The following CNOT7 variants were observed in gnomAD, a reference collection of about 807,000 sequenced individuals.
CNOT7 encodes BTG1-binding factor 1.
CNOT7 carries 4 observed loss-of-function variants against 37.1 expected under a neutral mutation model. That is an observed-to-expected ratio of 0.11 (90% confidence interval 0.05 to 0.25). CNOT7 has a LOEUF of 0.25. Among genes scored for constraint, CNOT7 ranks in the 10% least tolerant of loss-of-function variants. CNOT7 has a pLI of 1.00. For missense variants in CNOT7, 170 were observed against 336.2 expected (o/e 0.51, Z 3.87); for synonymous variants, 128 against 115.6 (o/e 1.11, Z -0.69).
intron 5 of CNOT7, among the ~76,000 whole-genome samples, chr8:17,233,337 A>G (rs1030060936): frequency 2.6e-5 from 4 of 152,238 alleles, no homozygotes; most frequent in Non-Finnish European, 5.9e-5. Flanking sequence ...GGCTTTGCAC[A>G]GCAGTTGCTT....
intron 6 of CNOT7, among the ~76,000 whole-genome samples, chr8:17,231,179 T>C (rs1393606837): frequency 6.6e-6 from 1 of 152,038 alleles, no homozygotes; most frequent in Admixed American, 6.6e-5. Context: ...AAGCCAATGA[T>C]GGTGGGGGAA....
rs1332000898 is a variant in CNOT7 at position 17,229,068 on chromosome 8, A to C, written c.*1652T>G. 2.6e-5 allele frequency: 4 copies of C among 151,974 alleles called. No homozygotes were observed. The highest frequency in any genetic ancestry group is 9.7e-5 in the African/African-American group (4 of 41,434). 9.4% of individuals were successfully genotyped at this position (151,974 alleles called of 1,614,324 possible). A position where few individuals can be genotyped will look rare whatever the true frequency, so the allele number is the denominator to read the frequency against. Reference sequence around the variant, plus strand: ...TCATAAAGAACAAGAATAAGCCAACACTTGAAATGCAGAAAACTCAGACTG... The same window carrying C: ...TCATAAAGAACAAGAATAAGCCAACCCTTGAAATGCAGAAAACTCAGACTG... On this transcript the variant is annotated 3_prime_UTR_variant, in exon 7 of 7. Transcript: ENST00000361272.
intron 2 of CNOT7, chr8:17,243,441 C>T (rs1246533820): frequency 1.6e-6 from 1 of 606,302 alleles, no homozygotes; most frequent in African/African-American, 1.8e-5. Flanking sequence ...CAAATACTTA[C>T]TCTATAACCA....
Position 17,232,263 on chromosome 8 carries a change from G to A in CNOT7, c.729+164C>T. Reference sequence around the variant, plus strand: ...TTCCTTCTGAACTACATTTCAAGATGACTTATTTTTGAATACTTTTAAGTG... The same window carrying A: ...TTCCTTCTGAACTACATTTCAAGATAACTTATTTTTGAATACTTTTAAGTG... On this transcript the variant is annotated intron_variant, in intron 6 of 6. Transcript: ENST00000361272. 2.1e-6 allele frequency: 3 copies of A among 1,462,692 alleles called. No homozygotes were observed. In the South Asian group the frequency reaches 4.2e-5, roughly 21 times the overall value. The allele number at this position is 1,462,692 out of a possible 1,614,324, so 90.6% of individuals were successfully genotyped here.
chr8:17,229,648 A>G lies in CNOT7; in HGVS notation c.*1072T>C. 2 of 151,482 alleles carry G rather than the reference A, an allele frequency of 1.3e-5. No homozygotes were observed. The highest frequency in any genetic ancestry group is 7.0e-3 in the Middle Eastern group (2 of 286). 9.4% of individuals were successfully genotyped at this position (151,482 alleles called of 1,614,324 possible). On this transcript the variant is annotated 3_prime_UTR_variant, in exon 7 of 7. Coordinates refer to ENST00000361272, the MANE Select transcript of CNOT7 (RefSeq NM_013354.7). Reference sequence around the variant, plus strand: ...ATCAGCTATATATATATATATGAGAATATATATATATTTTGTTGTTTTGTA... The same window carrying G: ...ATCAGCTATATATATATATATGAGAGTATATATATATTTTGTTGTTTTGTA...
At chr8:17,239,658 A>C (rs1809873419) in intron 3 of CNOT7, among the ~76,000 whole-genome samples, 1 of 151,632 alleles carries the variant, frequency 6.6e-6, no homozygotes. Context: ...CACCCAGCTA[A>C]TTTTTTTTGT....
chr8:17,228,439 TGAG>T lies in CNOT7; in HGVS notation c.*2278_*2280del, dbSNP rs947966541. 6.6e-6 allele frequency: 1 copy of T among 151,920 alleles called. No individual in the cohort carries two copies. Among genetic ancestry groups the T allele is most frequent in the African/African-American group, 2.4e-5 (1 of 41,404 alleles). The allele number at this position is 151,920 out of a possible 1,614,324, so 9.4% of individuals were successfully genotyped here. The stretch of plus-strand genomic sequence containing the variant: ...CACTATACGGTTGCTCAACCTACAA[TGAG>T]GTTACATCTGAAAAAATACTAAGAT... On this transcript the variant is annotated 3_prime_UTR_variant, in exon 7 of 7. Coordinates refer to ENST00000361272, the MANE Select transcript of CNOT7 (RefSeq NM_013354.7).
intron 3 of CNOT7, chr8:17,242,234 A>G (rs899312836): frequency 6.6e-6 from 1 of 152,188 alleles, no homozygotes; most frequent in Non-Finnish European, 1.5e-5. Flanking sequence ...TTACCATGAA[A>G]CAATGTTGAA....
At position 17,230,666 on chromosome 8, in the gene CNOT7, C is replaced by A; in HGVS notation, c.*54G>T. ...TCGAGGGATTCAACCAGAGATAAAA[C>A]CTATATACAAGCATGTGTGTAGCTC... is the stretch of plus-strand genomic sequence containing the variant. On this transcript the variant is annotated 3_prime_UTR_variant, in exon 7 of 7. Transcript: ENST00000361272. 3 of 1,495,270 alleles carry A rather than the reference C, an allele frequency of 2.0e-6. No individual in the cohort carries two copies. Among genetic ancestry groups the A allele is most frequent in the Non-Finnish European group, 1.8e-6 (2 of 1,111,112 alleles). The allele number at this position is 1,495,270 out of a possible 1,614,324, so 92.6% of individuals were successfully genotyped here.
intron 4 of CNOT7, among the ~76,000 whole-genome samples, chr8:17,236,160 C>G (rs556374030): frequency 6.6e-6 from 1 of 152,306 alleles, no homozygotes; most frequent in South Asian, 2.1e-4. Context: ...ACAACTCAAC[C>G]ATTTCTGGTT....
At position 17,229,709 on chromosome 8, in the gene CNOT7, T is replaced by C. The variant is rs1808394638; in HGVS notation, c.*1011A>G. On this transcript the variant is annotated 3_prime_UTR_variant, in exon 7 of 7. Transcript: ENST00000361272. ...CCATTATTTACCTTTGTAGCAACTATGAAAGCACAATTTTTGTCTTCTAAT... is the reference window on the plus strand; with the variant it reads ...CCATTATTTACCTTTGTAGCAACTACGAAAGCACAATTTTTGTCTTCTAAT... The C allele has an allele frequency of 6.6e-6, 1 of 152,046 alleles. No homozygotes were observed. Among genetic ancestry groups the C allele is most frequent in the South Asian group, 2.1e-4 (1 of 4,828 alleles). 9.4% of individuals were successfully genotyped at this position (152,046 alleles called of 1,614,324 possible).
At chr8:17,231,444 A>C in intron 6 of CNOT7, 5 of 769,812 alleles carry the variant, frequency 6.5e-6, no homozygotes, top group African/African-American at 1.9e-5. Flanking sequence ...AACAATTGGA[A>C]GGAGTCCAAA....
rs1206281595 is a variant in CNOT7 at position 17,226,227 on chromosome 8, A to C, written c.*4493T>G. 1 of 151,024 alleles carries C rather than the reference A, an allele frequency of 6.6e-6. No individual in the cohort carries two copies. The highest frequency in any genetic ancestry group is 1.5e-5 in the Non-Finnish European group (1 of 67,454). The allele number at this position is 151,024 out of a possible 1,614,324, so 9.4% of individuals were successfully genotyped here. On this transcript the variant is annotated 3_prime_UTR_variant, in exon 7 of 7. Coordinates refer to ENST00000361272, the MANE Select transcript of CNOT7 (RefSeq NM_013354.7). ...TTAGTAATAGAGTTCTACTAATGGG[A>C]ATAATGGGATTTTTTGGCAGGGGAC...
rs1335429223 is a variant in CNOT7, at chr8:17,246,736, G to A, written c.-157C>T. ...CGCCATAGAGACAGCACTCGGCGGC[G>A]GTGGCGGTGGCGGTGGCGGTAGCGG... is the stretch of plus-strand genomic sequence containing the variant. On this transcript the variant is annotated 5_prime_UTR_variant, in exon 1 of 7. Coordinates refer to ENST00000361272, the MANE Select transcript of CNOT7 (RefSeq NM_013354.7). 1 of 186,940 alleles carries A rather than the reference G, an allele frequency of 5.3e-6. No individual in the cohort carries two copies. Among genetic ancestry groups the A allele is most frequent in the Non-Finnish European group, 1.1e-5 (1 of 89,964 alleles). The allele number at this position is 186,940 out of a possible 1,614,324, so 11.6% of individuals were successfully genotyped here.
At chr8:17,239,080 G>T (rs888795659) in intron 3 of CNOT7, among the ~76,000 whole-genome samples, 1 of 152,182 alleles carries the variant, frequency 6.6e-6, no homozygotes, top group African/African-American at 2.4e-5. Flanking sequence ...CCCTTCTTGA[G>T]ACAGGGTCTG....
At position 17,227,175 on chromosome 8, in the gene CNOT7, C is replaced by G. The variant is rs977692178; in HGVS notation, c.*3545G>C. On this transcript the variant is annotated 3_prime_UTR_variant, in exon 7 of 7. Transcript: ENST00000361272. ...TTAAACAACTTACGTTTTCACAAGC[C>G]TTAAAATTTGACCAAATAAACTTTT... 2.6e-5 allele frequency: 4 copies of G among 151,870 alleles called. No homozygotes were observed. The highest frequency in any genetic ancestry group is 9.7e-5 in the African/African-American group (4 of 41,400). The allele number at this position is 151,870 out of a possible 1,614,324, so 9.4% of individuals were successfully genotyped here. A position where few individuals can be genotyped will look rare whatever the true frequency, so the allele number is the denominator to read the frequency against.
At chr8:17,244,830 T>C in intron 2 of CNOT7, 1 of 488,974 alleles carries the variant, frequency 2.0e-6, no homozygotes, top group Non-Finnish European at 3.6e-6. Flanking sequence ...CAGTGCGTTT[T>C]CCCTCACTGC....
intron 3 of CNOT7, among the ~76,000 whole-genome samples, chr8:17,238,951 T>C (rs1250450970): frequency 6.6e-6 from 1 of 152,232 alleles, no homozygotes; most frequent in Non-Finnish European, 1.5e-5. Context: ...TCAAAGGACT[T>C]GTCAAGTGCC....
At chr8:17,242,673 T>C (rs1329872570) in intron 3 of CNOT7, 1 of 194,068 alleles carries the variant, frequency 5.2e-6, no homozygotes, top group Non-Finnish European at 1.0e-5. Context: ...AAAGGCTATA[T>C]TTCAAATTGC....
Sources: gnomAD v4.1 joint callset for allele counts (sites outside exome capture counted in the v4.1 genomes callset) on GRCh38, gnomAD v4.1.1 for gene constraint, MANE v1.5 for transcripts, NCBI Gene and HGNC (gene_info 2026-07-23, HGNC 2026-07-21) for gene names.